CADM2: variants seen among roughly 807,000 people sequenced by gnomAD.
CADM2 encodes cell adhesion molecule 2.
In CADM2, 12 loss-of-function variants were observed where a neutral mutation model predicts 49.8. The ratio of observed to expected loss-of-function variants is 0.24; its 90% CI spans 0.15 to 0.39. CADM2 has a LOEUF of 0.39. CADM2 is among the 10% of genes least tolerant of loss of function. The probability of loss-of-function intolerance (pLI) is 1.00; values close to 1 mark genes in which losing one functional copy is unlikely to be tolerated. For missense variants in CADM2, 378 were observed against 492.3 expected (o/e 0.77, Z 2.20); for synonymous variants, 214 against 175.4 (o/e 1.22, Z -1.74).
intron 3 of CADM2, among the ~76,000 whole-genome samples, chr3:85,807,988 G>A (rs902006084): frequency 6.6e-6 from 1 of 152,090 alleles, no homozygotes; most frequent in African/African-American, 2.4e-5. Context: ...TTTGACACCA[G>A]CCAGCAGGGT....
intron 1 of CADM2, among the ~76,000 whole-genome samples, chr3:85,690,380 A>G (rs2066345536): frequency 1.3e-5 from 2 of 152,148 alleles, no homozygotes; most frequent in South Asian, 4.1e-4. Context: ...TGTAGTTAAC[A>G]GAGTTCTGGC....
At chr3:85,088,096 C>A (rs1308657534) in intron 1 of CADM2, among the ~76,000 whole-genome samples, 1 of 151,984 alleles carries the variant, frequency 6.6e-6, no homozygotes, top group Non-Finnish European at 1.5e-5. Context: ...CTGTCTAATC[C>A]TGAATGAAGG....
intron 3 of CADM2, among the ~76,000 whole-genome samples, chr3:85,853,674 T>TA (rs2075194945): frequency 7.0e-6 from 1 of 142,322 alleles, no homozygotes. Context: ...TTCCATGAGA[T>TA]GAAAAAAAAA....
At position 85,568,467 on chromosome 3, in the gene CADM2, T is replaced by TTCTTTTTCTTTCTTTCTTTCTCTTTC. The variant is rs1559916047; in HGVS notation, c.62-158052_62-158051insTTTTCTTTCTTTCTTTCTCTTTCTCT. Among the ~76,000 whole-genome samples, 24 of 24,508 alleles carry TTCTTTTTCTTTCTTTCTTTCTCTTTC rather than the reference T, an allele frequency of 9.8e-4. 1 individual carries two copies. Among genetic ancestry groups the TTCTTTTTCTTTCTTTCTTTCTCTTTC allele is most frequent in the African/African-American group, 2.8e-3 (23 of 8,196 alleles). 16.1% of individuals were successfully genotyped at this position (24,508 alleles called of 152,430 possible). On this transcript the variant is annotated intron_variant, in intron 1 of 9. Coordinates refer to ENST00000383699, the MANE Select transcript of CADM2 (RefSeq NM_001167675.2). Reference sequence around the variant, plus strand: ...TCTTTCTTTCTTTCTTTCTTTCTCTTTCTCTCTCTTTCTTTCTTTCTTTCT... The same window carrying TTCTTTTTCTTTCTTTCTTTCTCTTTC: ...TCTTTCTTTCTTTCTTTCTTTCTCTTTCTTTTTCTTTCTTTCTTTCTCTTTCTCTCTCTCTTTCTTTCTTTCTTTCT...
At chr3:85,769,205 A>G (rs553212360) in intron 2 of CADM2, among the ~76,000 whole-genome samples, 2 of 118,880 alleles carry the variant, frequency 1.7e-5, no homozygotes, top group Admixed American at 2.1e-4. Context: ...ATATACACAT[A>G]TATACATATA....
chr3:85,955,269 A>G (rs900912891), intron 7 of CADM2, among the ~76,000 whole-genome samples: 1 of 151,348 alleles, frequency 6.6e-6, no homozygotes, highest in African/African-American at 2.4e-5. Flanking sequence ...AGACCCCAAC[A>G]TATCCTATCT....
At chr3:85,883,205 A>G in intron 3 of CADM2, 86 bp from the exon 4 acceptor site, 1 of 1,032,660 alleles carries the variant, frequency 9.7e-7, no homozygotes, top group South Asian at 2.5e-5. Flanking sequence ...GAAAACATTT[A>G]TTGTATTGTG....
At chr3:85,435,411 C>G (rs1443274048) in intron 1 of CADM2, among the ~76,000 whole-genome samples, 1 of 152,108 alleles carries the variant, frequency 6.6e-6, no homozygotes, top group Non-Finnish European at 1.5e-5. Flanking sequence ...TTTATCCAGT[C>G]TATCATCGAT....
intron 1 of CADM2, among the ~76,000 whole-genome samples, chr3:85,273,602 G>T (rs1439767045): frequency 6.6e-6 from 1 of 151,236 alleles, no homozygotes; most frequent in East Asian, 1.9e-4. Context: ...CCCAAATTTT[G>T]ATCTGAGCAC....
At chr3:85,241,950 G>A (rs897781230) in intron 1 of CADM2, among the ~76,000 whole-genome samples, 3 of 151,386 alleles carry the variant, frequency 2.0e-5, no homozygotes, top group Non-Finnish European at 4.4e-5. Context: ...TTTGAGAGTC[G>A]TGTGAAGGGT....
intron 1 of CADM2, among the ~76,000 whole-genome samples, chr3:85,511,634 A>T (rs1018654706): frequency 8.6e-5 from 13 of 152,046 alleles, no homozygotes. Context: ...ATAAAAACGT[A>T]TTTGCCACCA....
intron 1 of CADM2, among the ~76,000 whole-genome samples, chr3:85,196,173 C>G (rs1175107603): frequency 6.6e-6 from 1 of 151,962 alleles, no homozygotes; most frequent in Non-Finnish European, 1.5e-5. Context: ...TTTTTTCTAC[C>G]TCCAGCTCGT....
At chr3:85,066,140 T>C (rs1393596656) in intron 1 of CADM2, among the ~76,000 whole-genome samples, 1 of 152,110 alleles carries the variant, frequency 6.6e-6, no homozygotes, top group Admixed American at 6.6e-5. Context: ...TAGAGTAGTC[T>C]GGAAAGTAAA....
intron 1 of CADM2, among the ~76,000 whole-genome samples, chr3:85,109,970 G>C (rs2038390525): frequency 6.6e-6 from 1 of 151,860 alleles, no homozygotes; most frequent in Non-Finnish European, 1.5e-5. Context: ...TCTACTTTAA[G>C]ACAATCCCCC....
At chr3:85,045,647 GC>G (rs200434982) in intron 1 of CADM2, among the ~76,000 whole-genome samples, 1 of 101,016 alleles carries the variant, frequency 9.9e-6, no homozygotes, top group Non-Finnish European at 2.5e-5. Flanking sequence ...AGAATGTGTA[GC>G]CTTTTTTTTT....
intron 1 of CADM2, among the ~76,000 whole-genome samples, chr3:85,399,732 G>C (rs1576483811): frequency 1.3e-5 from 2 of 152,254 alleles, no homozygotes; most frequent in East Asian, 3.9e-4. Context: ...TATTCTCTTT[G>C]AAGGAATTGT....
chr3:85,560,790 G>A lies in CADM2; in HGVS notation c.62-165732G>A, dbSNP rs369508264. Among the ~76,000 whole-genome samples, 32 of 152,204 alleles carry A rather than the reference G, an allele frequency of 2.1e-4. No homozygotes were observed. In the East Asian group the frequency reaches 3.3e-3, roughly 16 times the overall value. ...TAAATAGGGTCATTTAAGTAGCTTT[G>A]CTGGTAAAATAATTAAAGTTTAAAA... On this transcript the variant is annotated intron_variant, in intron 1 of 9. Transcript: ENST00000383699.
At chr3:85,372,187 G>T (rs918110159) in intron 1 of CADM2, among the ~76,000 whole-genome samples, 1 of 151,736 alleles carries the variant, frequency 6.6e-6, no homozygotes, top group Non-Finnish European at 1.5e-5. Context: ...AGAAAAATTT[G>T]ATTTTAAATG....
At chr3:85,449,041 C>A (rs1194003675) in intron 1 of CADM2, among the ~76,000 whole-genome samples, 3 of 44,774 alleles carry the variant, frequency 6.7e-5, no homozygotes, top group African/African-American at 1.6e-4. Context: ...AGGGGCGAGA[C>A]TCCAACTCAA....
Sources: gnomAD v4.1 joint callset for allele counts (sites outside exome capture counted in the v4.1 genomes callset) on GRCh38, gnomAD v4.1.1 for gene constraint, MANE v1.5 for transcripts, NCBI Gene and HGNC (gene_info 2026-07-23, HGNC 2026-07-21) for gene names.